DST: variants seen among roughly 807,000 people sequenced by gnomAD.
DST encodes the protein dystonin, also known as bullous pemphigoid antigen.
Under a neutral mutation model 875.2 loss-of-function variants are expected in DST, and 253 were observed. The ratio of observed to expected loss-of-function variants is 0.29; its 90% CI spans 0.26 to 0.32. The LOEUF (loss-of-function observed/expected upper bound fraction) is 0.32, where lower values mean the gene tolerates loss of function less well. Among genes scored for constraint, DST ranks in the 10% least tolerant of loss-of-function variants. The pLI is 1.00. For missense variants in DST, 8,287 were observed against 9,111.6 expected, an observed-to-expected ratio of 0.91 and a Z score of 3.68; for synonymous variants, 3,124 against 3,197.1, an observed-to-expected ratio of 0.98 and a Z score of 0.77.
intron 22 of DST, among the ~76,000 whole-genome samples, chr6:56,637,722 A>G (rs1247922232): frequency 6.6e-6 from 1 of 152,168 alleles, no homozygotes; most frequent in Non-Finnish European, 1.5e-5. Context: ...GAAACATGAA[A>G]TACTCTTTTC....
At chr6:56,576,946 C>T (rs904611137) in intron 50 of DST, among the ~76,000 whole-genome samples, 4 of 152,158 alleles carry the variant, frequency 2.6e-5, no homozygotes, top group African/African-American at 4.8e-5. Flanking sequence ...TAAACGAAGA[C>T]ACTGTTTAGT....
intron 4 of DST, among the ~76,000 whole-genome samples, chr6:56,800,088 G>A (rs1474280583): frequency 6.6e-6 from 1 of 152,144 alleles, no homozygotes; most frequent in Non-Finnish European, 1.5e-5. Flanking sequence ...TATCGTGGAG[G>A]TTTGGAACTG....
intron 61 of DST, among the ~76,000 whole-genome samples, chr6:56,551,020 A>G (rs1404183406): frequency 6.6e-6 from 1 of 152,242 alleles, no homozygotes; most frequent in Non-Finnish European, 1.5e-5. Context: ...TTCACCTTCA[A>G]GAATCAAGAA....
chr6:56,757,909 T>C (rs1425776692), intron 4 of DST, among the ~76,000 whole-genome samples: 1 of 152,208 alleles, frequency 6.6e-6, no homozygotes, highest in African/African-American at 2.4e-5. Flanking sequence ...AAAGTTACTA[T>C]TGTTTCATTT....
rs757497469 is a variant in DST, at chr6:56,642,401, T to G, written c.1872+9A>C. The stretch of plus-strand genomic sequence containing the variant: ...ACCACAACCCCAATGGCTCCTAAAA[T>G]TAACTTACAGACTGAAGAGCATTTC... On this transcript the variant is annotated intron_variant, in intron 16 of 103. Transcript: ENST00000680361. 6.2e-7 allele frequency: 1 copy of G among 1,602,304 alleles called. No homozygotes were observed. Among genetic ancestry groups the G allele is most frequent in the Admixed American group, 1.7e-5 (1 of 59,982 alleles).
chr6:56,656,087 T>C lies in DST; in HGVS notation c.1215-4843A>G, dbSNP rs143684098. On this transcript the variant is annotated intron_variant, in intron 10 of 103. Coordinates refer to ENST00000680361, the MANE Select transcript of DST (RefSeq NM_001374736.1). ...GGAGATATGTTCCATCCTAGGCTTG[T>C]TCCTTTTCTTTTCACTAATTTCTAC... Among the ~76,000 whole-genome samples, 443 of 152,344 alleles carry C rather than the reference T, an allele frequency of 2.9e-3. 2 individuals carry two copies. Among genetic ancestry groups the C allele is most frequent in the African/African-American group, 9.1e-3 (379 of 41,574 alleles).
At chr6:56,482,980 T>A (rs2095447083) in intron 88 of DST, 103 bp from the exon 89 acceptor site, 1 of 801,704 alleles carries the variant, frequency 1.2e-6, no homozygotes, top group Admixed American at 3.6e-5. Context: ...TGTAAAGATA[T>A]CTAAGACCTA....
At chr6:56,542,116 T>G (rs1367415395) in intron 61 of DST, among the ~76,000 whole-genome samples, 1 of 152,154 alleles carries the variant, frequency 6.6e-6, no homozygotes, top group South Asian at 2.1e-4. Context: ...TCCAGAAATT[T>G]AAAAGACAAA....
Position 56,619,665 on chromosome 6 carries a change from G to C in DST, c.4929+4865C>G, listed in dbSNP as rs767274610. On this transcript the variant is annotated intron_variant, in intron 36 of 103. Coordinates refer to ENST00000680361, the MANE Select transcript of DST (RefSeq NM_001374736.1). ...ATTTTCTTGAGATCACTAGCTTCTT[G>C]CATGGCTTCTTCAGCTTTACCTGTG... 4 of 1,613,714 alleles carry C rather than the reference G, an allele frequency of 2.5e-6. No homozygotes were observed. The Admixed American group carries it at 5.0e-5, about 20-fold the overall frequency.
At chr6:56,785,309 C>T (rs1482967721) in intron 4 of DST, among the ~76,000 whole-genome samples, 1 of 152,238 alleles carries the variant, frequency 6.6e-6, no homozygotes, top group East Asian at 1.9e-4. Context: ...GCCCTGCCCC[C>T]AGAGGTGGAG....
At chr6:56,718,818 T>C (rs893854981) in intron 5 of DST, among the ~76,000 whole-genome samples, 4 of 152,118 alleles carry the variant, frequency 2.6e-5, no homozygotes, top group Admixed American at 6.5e-5. Flanking sequence ...AAACAACATA[T>C]ATGATTCTGT....
At chr6:56,609,387 AGGGTGGGCGG>A in intron 39 of DST, 43 bp from the exon 40 acceptor site, 1 of 1,428,114 alleles carries the variant, frequency 7.0e-7, no homozygotes, top group African/African-American at 1.4e-5. Context: ...CTGTTACACA[AGGGTGGGCGG>A]AGTTTCATGC....
chr6:56,526,401 T>A lies in DST; in HGVS notation c.18089A>T (p.Lys6030Met). The A allele has an allele frequency of 6.2e-7, 1 of 1,613,826 alleles. No homozygotes were observed. Among genetic ancestry groups the A allele is most frequent in the Non-Finnish European group, 8.5e-7 (1 of 1,179,810 alleles). ...AATGGCTGCATCGATCTCCTCCACC[T>A]TCTGAGTGATGGTGTCGCTCACTAA... ...YRLVSDTITQ[K>M]VEEIDAAILR... Residue 6030 changes from lysine to methionine, a missense_variant, in exon 69 of 104, where the codon AAG (lysine) becomes ATG (methionine). Transcript: ENST00000680361.
At chr6:56,663,761 A>C (rs2152817061) in intron 10 of DST, among the ~76,000 whole-genome samples, 1 of 152,304 alleles carries the variant, frequency 6.6e-6, no homozygotes, top group African/African-American at 2.4e-5. Flanking sequence ...TTCAAAATGC[A>C]AACAATGGAC....
intron 4 of DST, among the ~76,000 whole-genome samples, chr6:56,800,848 A>G (rs937413603): frequency 1.3e-4 from 19 of 151,920 alleles, no homozygotes; most frequent in Non-Finnish European, 2.5e-4. Context: ...GTGAAACCCC[A>G]TCTCTCCAAA....
intron 49 of DST, among the ~76,000 whole-genome samples, chr6:56,583,500 C>T (rs80245313): frequency 0.27 from 41,646 of 151,850 alleles, 7,015 homozygotes; most frequent in Admixed American, 0.38. Context: ...ATATTAGCCC[C>T]TTGTCAGATG....
chr6:56,712,021 G>A (rs1054374213), intron 5 of DST, among the ~76,000 whole-genome samples: 29 of 147,608 alleles, frequency 2.0e-4, no homozygotes, highest in African/African-American at 6.7e-4. Flanking sequence ...AACCCGGGAG[G>A]CGGAGCTTGC....
intron 61 of DST, 36 bp from the exon 62 acceptor site, chr6:56,536,976 T>C: frequency 1.3e-6 from 2 of 1,591,146 alleles, no homozygotes; most frequent in Non-Finnish European, 1.7e-6. Flanking sequence ...ATGAGTTATA[T>C]TACCTATCAA....
At chr6:56,925,156 G>C (rs1806373627) in intron 2 of DST, among the ~76,000 whole-genome samples, 1 of 152,130 alleles carries the variant, frequency 6.6e-6, no homozygotes, top group African/African-American at 2.4e-5. Flanking sequence ...AATAAGATAG[G>C]AGGAAGAGGA....
Sources: gnomAD v4.1 joint callset for allele counts (sites outside exome capture counted in the v4.1 genomes callset) on GRCh38, gnomAD v4.1.1 for gene constraint, MANE v1.5 for transcripts, NCBI Gene and HGNC (gene_info 2026-07-23, HGNC 2026-07-21) for gene names.